Variants in MBD5 observed in about 807,000 individuals in gnomAD.
The protein encoded by MBD5 is methyl-CpG-binding domain protein 5.
Under a neutral mutation model 117.3 loss-of-function variants are expected in MBD5, and 13 were observed. The observed-to-expected ratio is 0.11, with a 90% CI of 0.07 to 0.18. The LOEUF (loss-of-function observed/expected upper bound fraction) is 0.18. Ranked by LOEUF, MBD5 falls within the 10% of genes least tolerant of loss-of-function variation. The pLI, the probability that MBD5 is intolerant of heterozygous loss-of-function variation, is 1.00. For missense variants in MBD5, 1,879 were observed against 2,093.8 expected (o/e 0.90, Z 2.00); for synonymous variants, 727 against 766.4 (o/e 0.95, Z 0.85).
At chr2:148,081,762 C>T (rs1475380170) in intron 1 of MBD5, among the ~76,000 whole-genome samples, 4 of 152,036 alleles carry the variant, frequency 2.6e-5, no homozygotes, top group African/African-American at 4.8e-5. Context: ...TTAAGATGAA[C>T]GGGTCTACCT....
intron 1 of MBD5, among the ~76,000 whole-genome samples, chr2:148,154,820 C>T (rs933537351): frequency 4.6e-5 from 7 of 152,274 alleles, no homozygotes; most frequent in Non-Finnish European, 8.8e-5. Context: ...CACTGACCTG[C>T]GCCCACTGTC....
At chr2:148,422,225 C>T (rs1447102302) in intron 4 of MBD5, among the ~76,000 whole-genome samples, 2 of 152,110 alleles carry the variant, frequency 1.3e-5, no homozygotes, top group Admixed American at 6.5e-5. Context: ...GAAGAAGCTT[C>T]CAGAGGAAGG....
intron 1 of MBD5, among the ~76,000 whole-genome samples, chr2:148,134,147 T>G (rs1208753135): frequency 1.3e-5 from 2 of 152,124 alleles, no homozygotes; most frequent in African/African-American, 4.8e-5. Flanking sequence ...TTTTACTTAC[T>G]GCTAATCATG....
intron 1 of MBD5, among the ~76,000 whole-genome samples, chr2:148,091,117 G>A (rs1229172718): frequency 1.3e-5 from 2 of 152,090 alleles, no homozygotes; most frequent in East Asian, 1.9e-4. Context: ...GTGGTGAAAG[G>A]CCTCTACAAG....
intron 1 of MBD5, among the ~76,000 whole-genome samples, chr2:148,045,974 CTTTTTTTTTTTTTT>C (rs59672002): frequency 5.2e-5 from 4 of 77,450 alleles, no homozygotes; most frequent in Non-Finnish European, 7.2e-5. Flanking sequence ...AATGAAGTGC[CTTTTTTTTTTTTTT>C]TTTTTTTTTT....
At chr2:148,147,139 C>T (rs1697486821) in intron 1 of MBD5, among the ~76,000 whole-genome samples, 1 of 152,042 alleles carries the variant, frequency 6.6e-6, no homozygotes, top group Non-Finnish European at 1.5e-5. Context: ...GGAACAGTTT[C>T]AGTCGGCTGC....
At chr2:148,139,799 C>T (rs1697269960) in intron 1 of MBD5, among the ~76,000 whole-genome samples, 1 of 152,150 alleles carries the variant, frequency 6.6e-6, no homozygotes, top group Non-Finnish European at 1.5e-5. Flanking sequence ...CATCTCTGAG[C>T]TTTGGTTCTG....
intron 4 of MBD5, among the ~76,000 whole-genome samples, chr2:148,343,762 T>C (rs1368095716): frequency 6.6e-6 from 1 of 152,074 alleles, no homozygotes; most frequent in Non-Finnish European, 1.5e-5. Flanking sequence ...GTGGATTGTC[T>C]GTTTACTTTG....
intron 1 of MBD5, among the ~76,000 whole-genome samples, chr2:148,022,679 A>G (rs1573922169): frequency 1.3e-5 from 2 of 152,216 alleles, no homozygotes; most frequent in East Asian, 1.9e-4. Context: ...TTTCATCTCA[A>G]TTTCTCTTGG....
intron 1 of MBD5, among the ~76,000 whole-genome samples, chr2:148,082,653 T>C (rs1430705190): frequency 1.3e-5 from 2 of 152,198 alleles, no homozygotes; most frequent in Non-Finnish European, 2.9e-5. Context: ...ACTGTCCACT[T>C]GAGGAATAAA....
At chr2:148,254,209 A>T (rs1365184487) in intron 3 of MBD5, among the ~76,000 whole-genome samples, 1 of 152,184 alleles carries the variant, frequency 6.6e-6, no homozygotes, top group Non-Finnish European at 1.5e-5. Context: ...TTAATCTCCC[A>T]TGACCCACTC....
chr2:148,386,575 C>T (rs1376024435), intron 4 of MBD5, among the ~76,000 whole-genome samples: 2 of 151,172 alleles, frequency 1.3e-5, no homozygotes, highest in East Asian at 3.9e-4. Context: ...AAAAATTAGC[C>T]GGGCGTAGTG....
intron 4 of MBD5, among the ~76,000 whole-genome samples, chr2:148,407,242 A>G (rs1252901119): frequency 6.6e-6 from 1 of 152,126 alleles, no homozygotes; most frequent in East Asian, 1.9e-4. Flanking sequence ...TTTTTACTAA[A>G]CATAATTTTA....
intron 4 of MBD5, among the ~76,000 whole-genome samples, chr2:148,363,286 G>A (rs768276860): frequency 2.6e-5 from 4 of 152,160 alleles, no homozygotes; most frequent in Non-Finnish European, 5.9e-5. Flanking sequence ...AGGCTGGAGT[G>A]CAGTGGCGCA....
intron 3 of MBD5, among the ~76,000 whole-genome samples, chr2:148,329,028 C>T (rs985172951): frequency 6.6e-6 from 1 of 152,128 alleles, no homozygotes; most frequent in Admixed American, 6.5e-5. Context: ...CATACATGCT[C>T]ATGATCATTT....
intron 4 of MBD5, among the ~76,000 whole-genome samples, chr2:148,457,476 T>G (rs1706920586): frequency 6.6e-6 from 1 of 152,162 alleles, no homozygotes; most frequent in Non-Finnish European, 1.5e-5. Context: ...GATTTTTTAT[T>G]TAATAGCTCA....
intron 4 of MBD5, among the ~76,000 whole-genome samples, chr2:148,437,588 G>A (rs1183194727): frequency 6.6e-6 from 1 of 151,790 alleles, no homozygotes; most frequent in Non-Finnish European, 1.5e-5. Context: ...TTTGAAAAGA[G>A]GATCTATTTG....
intron 4 of MBD5, among the ~76,000 whole-genome samples, chr2:148,404,090 C>T (rs1368571337): frequency 1.3e-5 from 2 of 149,878 alleles, no homozygotes; most frequent in African/African-American, 2.4e-5. Flanking sequence ...TGCTTCTGTG[C>T]ATGCCTGATC....
intron 2 of MBD5, among the ~76,000 whole-genome samples, chr2:148,195,747 G>A (rs1698968329): frequency 6.6e-6 from 1 of 152,038 alleles, no homozygotes; most frequent in South Asian, 2.1e-4. Flanking sequence ...AAAAAAGCAG[G>A]AAAACCTCTC....
Sources: allele counts gnomAD v4.1 joint callset (sites outside exome capture counted in the v4.1 genomes callset), GRCh38; gene constraint gnomAD v4.1.1; transcripts MANE v1.5; gene names NCBI Gene and HGNC (gene_info 2026-07-23, HGNC 2026-07-21).